The following TMPRSS11D variants were observed in gnomAD, a reference collection of about 807,000 sequenced individuals.
TMPRSS11D encodes the protein transmembrane serine protease 11D, also known as transmembrane protease serine 11D.
TMPRSS11D carries 32 observed loss-of-function variants against 44.4 expected under a neutral mutation model. The observed-to-expected ratio is 0.72, with a 90% CI of 0.54 to 0.97. The LOEUF (loss-of-function observed/expected upper bound fraction) is 0.97, where lower values mean the gene tolerates loss of function less well. Ranked by LOEUF, TMPRSS11D falls within the 50% of genes least tolerant of loss-of-function variation. TMPRSS11D has a pLI of 0.00. For synonymous variants in TMPRSS11D, 179 were observed against 177.9 expected (o/e 1.01, Z -0.05); for missense variants, 446 against 502.6 (o/e 0.89, Z 1.08).
chr4:67,876,705 C>T (rs1445556145), intron 1 of TMPRSS11D, among the ~76,000 whole-genome samples: 1 of 152,018 alleles, frequency 6.6e-6, no homozygotes, highest in East Asian at 1.9e-4. Context: ...TTTCTGAAGC[C>T]TTATTGTTTT....
intron 2 of TMPRSS11D, among the ~76,000 whole-genome samples, chr4:67,858,919 C>T (rs1428914416): frequency 2.0e-5 from 3 of 151,996 alleles, no homozygotes; most frequent in African/African-American, 7.2e-5. Context: ...TTCTTGTCCA[C>T]ATTGTCTATT....
intron 4 of TMPRSS11D, 98 bp from the exon 5 acceptor site, chr4:67,838,427 A>G: frequency 8.6e-7 from 1 of 1,164,702 alleles, no homozygotes; most frequent in Non-Finnish European, 1.2e-6. Flanking sequence ...TAAAGAATTC[A>G]TTTGTGGAAT....
Position 67,838,323 on chromosome 4 carries a change from A to T in TMPRSS11D, c.324T>A (p.Asp108Glu), listed in dbSNP as rs138990491. The change falls in exon 5 of 10, where the codon GAT becomes GAA. Residue 108 changes from aspartate to glutamate, a missense_variant. Asp to Glu is a conservative substitution (Grantham distance 45, BLOSUM62 2). Coordinates refer to ENST00000283916, the MANE Select transcript of TMPRSS11D (RefSeq NM_004262.3). ...IRAHVAKLRQ[D>E]GSGVRADVVM... ...CAACATCCGCTCTCACACCACTACC[A>T]TCTTGCCTGTAAATCATAAAGATAT... 6.4e-7 allele frequency: 1 copy of T among 1,559,168 alleles called. No individual in the cohort carries two copies. Among genetic ancestry groups the T allele is most frequent in the African/African-American group, 1.4e-5 (1 of 72,074 alleles).
chr4:67,861,906 C>T (rs369540817), intron 1 of TMPRSS11D, among the ~76,000 whole-genome samples: 11 of 152,060 alleles, frequency 7.2e-5, no homozygotes, highest in African/African-American at 2.4e-4. Flanking sequence ...AACCTCTGAA[C>T]GTTGCTAACA....
At chr4:67,852,282 G>A (rs944602155) in intron 3 of TMPRSS11D, among the ~76,000 whole-genome samples, 4 of 152,146 alleles carry the variant, frequency 2.6e-5, no homozygotes, top group Non-Finnish European at 5.9e-5. Flanking sequence ...GGTTTCCATA[G>A]AGGACCCTGT....
chr4:67,853,995 A>G (rs959543297), intron 3 of TMPRSS11D, 73 bp downstream of exon 3: 8 of 899,210 alleles, frequency 8.9e-6, no homozygotes, highest in African/African-American at 1.7e-5. Context: ...CTGAAAATAT[A>G]TTACAAAACA....
chr4:67,866,787 G>A (rs897777911), intron 1 of TMPRSS11D, among the ~76,000 whole-genome samples: 1 of 151,702 alleles, frequency 6.6e-6, no homozygotes, highest in Non-Finnish European at 1.5e-5. Flanking sequence ...GGAAGTAAAA[G>A]ATCTCTACAA....
chr4:67,829,192 G>A (rs898201353), intron 7 of TMPRSS11D, among the ~76,000 whole-genome samples: 1 of 151,992 alleles, frequency 6.6e-6, no homozygotes, highest in African/African-American at 2.4e-5. Flanking sequence ...AAAAAAGACT[G>A]CATTGACATA....
chr4:67,842,497 A>G, intron 4 of TMPRSS11D, 61 bp downstream of exon 4: 1 of 1,402,334 alleles, frequency 7.1e-7, no homozygotes, highest in South Asian at 1.2e-5. Context: ...ATTCTGTGAC[A>G]AAAAGTCAAG....
At chr4:67,840,310 A>G (rs1718202929) in intron 4 of TMPRSS11D, among the ~76,000 whole-genome samples, 1 of 152,038 alleles carries the variant, frequency 6.6e-6, no homozygotes, top group Non-Finnish European at 1.5e-5. Context: ...GGCAGGAAAA[A>G]GAACAGAGCA....
intron 3 of TMPRSS11D, among the ~76,000 whole-genome samples, chr4:67,843,675 G>A (rs1718288829): frequency 1.3e-5 from 2 of 152,226 alleles, no homozygotes; most frequent in African/African-American, 2.4e-5. Context: ...TGTAATCCCA[G>A]CACTTTGGGA....
chr4:67,842,023 C>A (rs1441902553), intron 4 of TMPRSS11D, among the ~76,000 whole-genome samples: 3 of 152,190 alleles, frequency 2.0e-5, no homozygotes, highest in Non-Finnish European at 2.9e-5. Context: ...TCATATTTAA[C>A]TAAGGCAGGA....
chr4:67,834,754 T>A (rs922413012), intron 6 of TMPRSS11D, among the ~76,000 whole-genome samples: 12 of 152,188 alleles, frequency 7.9e-5, no homozygotes, highest in Admixed American at 5.9e-4. Context: ...AAACATAATT[T>A]GTAAGTCTAC....
At chr4:67,827,993 A>C (rs1011081956) in intron 7 of TMPRSS11D, among the ~76,000 whole-genome samples, 14 of 151,992 alleles carry the variant, frequency 9.2e-5, no homozygotes, top group African/African-American at 2.9e-4. Context: ...TTAATGGATG[A>C]ATAATTTTTC....
intron 3 of TMPRSS11D, among the ~76,000 whole-genome samples, chr4:67,849,865 A>G (rs1232965926): frequency 6.6e-6 from 1 of 152,190 alleles, no homozygotes; most frequent in African/African-American, 2.4e-5. Flanking sequence ...TCATTATACC[A>G]CTTTCCAGCT....
At chr4:67,872,770 A>G (rs779328753) in intron 1 of TMPRSS11D, among the ~76,000 whole-genome samples, 4 of 152,150 alleles carry the variant, frequency 2.6e-5, no homozygotes, top group Non-Finnish European at 5.9e-5. Context: ...TTTCAATGCT[A>G]TTTCCTAGGT....
intron 4 of TMPRSS11D, among the ~76,000 whole-genome samples, chr4:67,839,868 A>G (rs887482344): frequency 1.3e-5 from 2 of 151,434 alleles, no homozygotes; most frequent in African/African-American, 2.4e-5. Flanking sequence ...TTTAGGGTAT[A>G]TGTGCACAAC....
At chr4:67,880,232 C>T (rs540395854) in intron 1 of TMPRSS11D, among the ~76,000 whole-genome samples, 4 of 151,980 alleles carry the variant, frequency 2.6e-5, no homozygotes, top group Admixed American at 6.6e-5. Context: ...ATAGATGTCT[C>T]GTACCAAGAG....
intron 6 of TMPRSS11D, among the ~76,000 whole-genome samples, chr4:67,834,645 T>A: frequency 6.6e-6 from 1 of 152,296 alleles, no homozygotes; most frequent in South Asian, 2.1e-4. Flanking sequence ...CTGGGAAGAC[T>A]TCTGACAATT....
Sources: gnomAD v4.1 joint callset for allele counts (sites outside exome capture counted in the v4.1 genomes callset) on GRCh38, gnomAD v4.1.1 for gene constraint, MANE v1.5 for transcripts, NCBI Gene and HGNC (gene_info 2026-07-23, HGNC 2026-07-21) for gene names.